Variants in ABCC1 observed in about 807,000 individuals in gnomAD.
ABCC1 encodes ATP binding cassette subfamily C member 1 (ABCC1 blood group), also known as multidrug resistance-associated protein 1.
ABCC1 carries 83 observed loss-of-function variants against 172.9 expected under a neutral mutation model. That is an observed-to-expected ratio of 0.48 (90% confidence interval 0.40 to 0.58). The LOEUF (loss-of-function observed/expected upper bound fraction) is 0.58. Ranked by LOEUF, ABCC1 falls within the 20% of genes least tolerant of loss-of-function variation. The probability of loss-of-function intolerance (pLI) is 0.00; values close to 1 mark genes in which losing one functional copy is unlikely to be tolerated. For synonymous variants in ABCC1, 937 were observed against 825.2 expected, an observed-to-expected ratio of 1.14 and a Z score of -2.32; for missense variants, 1,817 against 2,002.7, an observed-to-expected ratio of 0.91 and a Z score of 1.77.
At chr16:16,070,915 CTAACAA>C (rs2151957595) in intron 13 of ABCC1, among the ~76,000 whole-genome samples, 1 of 152,232 alleles carries the variant, frequency 6.6e-6, no homozygotes, top group South Asian at 2.1e-4. Context: ...TCTAAGCAAA[CTAACAA>C]TAAGTTTTTA....
At chr16:15,976,766 C>T (rs1041456388) in intron 1 of ABCC1, among the ~76,000 whole-genome samples, 2 of 152,202 alleles carry the variant, frequency 1.3e-5, no homozygotes, top group Non-Finnish European at 2.9e-5. Context: ...CAACCCCTAA[C>T]GAGTATTCTA....
chr16:15,973,864 G>A (rs542887190), intron 1 of ABCC1, among the ~76,000 whole-genome samples: 17 of 152,106 alleles, frequency 1.1e-4, no homozygotes, highest in African/African-American at 3.9e-4. Flanking sequence ...GCATGGCCAT[G>A]GTCACAGCTA....
intron 5 of ABCC1, 91 bp from the exon 6 acceptor site, chr16:16,033,018 G>A: frequency 2.4e-6 from 3 of 1,253,116 alleles, no homozygotes; most frequent in Admixed American, 3.4e-5. Flanking sequence ...GGAAGAGTGA[G>A]CAGCTGACTA....
At position 16,071,677 on chromosome 16, in the gene ABCC1, C is replaced by A; in HGVS notation, c.1860C>A (p.Leu620=). The part of the protein sequence containing the change: ...SVSLKRLRIF[L]SHEELEPDSI... The stretch of plus-strand genomic sequence containing the variant: ...CCCTCAAACGCCTGAGGATCTTTCT[C>A]TCCCATGAGGAGCTGGAACCTGACA... The change falls in exon 14 of 31, where the codon CTC becomes CTA. Residue 620 remains leucine, a synonymous_variant. Transcript: ENST00000399410. 1.2e-6 allele frequency: 2 copies of A among 1,614,070 alleles called. No individual in the cohort carries two copies. The highest frequency in any genetic ancestry group is 1.7e-6 in the Non-Finnish European group (2 of 1,179,984).
In ABCC1 at chr16:16,016,588, C is replaced by T. The variant is rs775304424; in HGVS notation, c.582C>T (p.Arg194=). Residue 194 remains arginine (R), a synonymous_variant, in exon 5 of 31, where the codon CGC becomes CGT. Transcript: ENST00000399410. ...TCGTCTTGTCCTGTTTCTCAGATCGCTCACCCCTGTTCTCGGAAACCATCC... is the reference window on the plus strand; with the variant it reads ...TCGTCTTGTCCTGTTTCTCAGATCGTTCACCCCTGTTCTCGGAAACCATCC... ...IQLVLSCFSD[R]SPLFSETIHD... The T allele has an allele frequency of 6.8e-6, 11 of 1,614,202 alleles. 1 individual carries two copies. The South Asian group carries it at 8.8e-5, about 13-fold the overall frequency.
intron 23 of ABCC1, 51 bp from the exon 24 acceptor site, chr16:16,121,924 G>T (rs745493418): frequency 1.9e-6 from 3 of 1,583,554 alleles, no homozygotes; most frequent in East Asian, 4.5e-5. Context: ...GCCCTGGGAG[G>T]ATGGCAGGAG....
In ABCC1 at chr16:16,122,139, C is replaced by T; in HGVS notation, c.3555C>T (p.Asn1185=). ...IHQSDLKVDE[N]QKAYYPSIVA... is the part of the protein sequence containing the mutation. ...AGAGTGACCTGAAGGTGGACGAGAA[C>T]CAGAAGGCCTATTACCCCAGCATCG... Residue 1185 remains asparagine (N), a synonymous_variant, in exon 24 of 31, where the codon AAC becomes AAT. Coordinates refer to ENST00000399410, the MANE Select transcript of ABCC1 (RefSeq NM_004996.4). 6.2e-7 allele frequency: 1 copy of T among 1,614,192 alleles called. No homozygotes were observed. The highest frequency in any genetic ancestry group is 8.5e-7 in the Non-Finnish European group (1 of 1,180,036).
intron 9 of ABCC1, among the ~76,000 whole-genome samples, chr16:16,046,924 G>A (rs1392055150): frequency 2.6e-5 from 4 of 152,204 alleles, no homozygotes; most frequent in African/African-American, 9.6e-5. Context: ...GCCAGGCACT[G>A]TAGCTCATGC....
chr16:16,016,490 A>G lies in ABCC1; in HGVS notation c.490-6A>G, dbSNP rs776644517. 3 of 1,613,636 alleles carry G rather than the reference A, an allele frequency of 1.9e-6. No homozygotes were observed. Among genetic ancestry groups the G allele is most frequent in the East Asian group, 2.2e-5 (1 of 44,874 alleles). ...TCTTTTTCTTCCTTCCTTCCCCACC[A>G]TGTAGGATGCCCAGGTGGACCTGTT... On this transcript the variant is annotated splice_polypyrimidine_tract_variant and splice_region_variant and intron_variant, in intron 4 of 30. Coordinates refer to ENST00000399410, the MANE Select transcript of ABCC1 (RefSeq NM_004996.4).
rs974965396 is a variant in ABCC1 at position 16,137,640 on chromosome 16, G to A, written c.4293-724G>A. On this transcript the variant is annotated intron_variant, in intron 29 of 30. Coordinates refer to ENST00000399410, the MANE Select transcript of ABCC1 (RefSeq NM_004996.4). ...TGGCGCAATCTCATCTGCAACCTCC[G>A]CCCCCAGGCTCAAGCAATTGTTCTG... 3.4e-5 allele frequency among the ~76,000 whole-genome samples: 4 copies of A among 118,828 alleles called. 1 individual carries two copies. Among genetic ancestry groups the A allele is most frequent in the South Asian group, 3.0e-4 (1 of 3,362 alleles). 78.0% of individuals were successfully genotyped at this position (118,828 alleles called of 152,430 possible). A position where few individuals can be genotyped will look rare whatever the true frequency, so the allele number is the denominator to read the frequency against.
chr16:16,112,545 G>A (rs1289956138), intron 22 of ABCC1, among the ~76,000 whole-genome samples: 1 of 152,286 alleles, frequency 6.6e-6, no homozygotes, highest in East Asian at 1.9e-4. Context: ...GCAGTCCTGT[G>A]AGGTAGGAGT....
Position 15,972,072 on chromosome 16 carries a change from C to T in ABCC1, c.48+22273C>T, listed in dbSNP as rs528165396. 2.0e-5 allele frequency among the ~76,000 whole-genome samples: 3 copies of T among 152,242 alleles called. No individual in the cohort carries two copies. In the South Asian group the frequency reaches 6.2e-4, roughly 32 times the overall value. ...AGCCCTCTCTGCACATAACTTGTTT[C>T]AGGCCCACAGTCATGCTGGGTGGTT... On this transcript the variant is annotated intron_variant, in intron 1 of 30. Transcript: ENST00000399410.
At chr16:16,014,726 A>T in intron 4 of ABCC1, 98 bp downstream of exon 4, 1 of 1,446,326 alleles carries the variant, frequency 6.9e-7, no homozygotes, top group Non-Finnish European at 9.5e-7. Context: ...TTGCCATGGG[A>T]ACCAGGGGCT....
At chr16:16,026,081 A>G (rs2048357387) in intron 5 of ABCC1, among the ~76,000 whole-genome samples, 1 of 151,882 alleles carries the variant, frequency 6.6e-6, no homozygotes, top group Non-Finnish European at 1.5e-5. Flanking sequence ...TCAATCCTTG[A>G]CCTACTTCAG....
intron 23 of ABCC1, among the ~76,000 whole-genome samples, chr16:16,116,159 C>G (rs2044855575): frequency 6.6e-6 from 1 of 152,210 alleles, no homozygotes; most frequent in Admixed American, 6.5e-5. Flanking sequence ...CTGCCTCAGC[C>G]TCCCAAAGTG....
intron 6 of ABCC1, among the ~76,000 whole-genome samples, chr16:16,033,574 CAT>C (rs1459851349): frequency 2.0e-5 from 3 of 152,146 alleles, no homozygotes; most frequent in East Asian, 1.9e-4. Flanking sequence ...TAAAAAACCA[CAT>C]GTGCAGATCA....
intron 1 of ABCC1, among the ~76,000 whole-genome samples, chr16:15,991,290 G>A (rs1418638111): frequency 4.0e-5 from 6 of 151,878 alleles, no homozygotes; most frequent in African/African-American, 7.3e-5. Context: ...TGTGTGGTGG[G>A]GTGCGGGGGG....
intron 6 of ABCC1, among the ~76,000 whole-genome samples, chr16:16,033,513 G>A (rs915577017): frequency 5.3e-5 from 8 of 152,084 alleles, no homozygotes; most frequent in African/African-American, 1.9e-4. Context: ...TCCCCCTCCT[G>A]TCCCCCACGC....
chr16:15,991,285 G>A (rs893134933), intron 1 of ABCC1, among the ~76,000 whole-genome samples: 1 of 152,024 alleles, frequency 6.6e-6, no homozygotes, highest in African/African-American at 2.4e-5. Context: ...GTGTGTGTGT[G>A]GTGGGGTGCG....
Sources: gnomAD v4.1 joint callset for allele counts (sites outside exome capture counted in the v4.1 genomes callset) on GRCh38, gnomAD v4.1.1 for gene constraint, MANE v1.5 for transcripts, NCBI Gene and HGNC (gene_info 2026-07-23, HGNC 2026-07-21) for gene names.